Variants in MAMLD1 observed in about 807,000 individuals in gnomAD.
MAMLD1 encodes the protein mastermind-like domain-containing protein 1.
In MAMLD1, 14 loss-of-function variants were observed where a neutral mutation model predicts 45.0. The observed-to-expected ratio is 0.31, with a 90% CI of 0.21 to 0.49. MAMLD1 has a LOEUF of 0.49. MAMLD1 is among the 20% of genes least tolerant of loss of function. The probability of loss-of-function intolerance (pLI) is 0.99; values close to 1 mark genes in which losing one functional copy is unlikely to be tolerated. For missense variants in MAMLD1, 543 were observed against 603.6 expected (o/e 0.90, Z 1.05); for synonymous variants, 254 against 247.8 (o/e 1.02, Z -0.24).
At chrX:150,508,831 C>G (rs1557408979) in intron 6 of MAMLD1, among the ~76,000 whole-genome samples, 1 of 112,171 alleles carries the variant, frequency 8.9e-6, no homozygotes, top group Non-Finnish European at 1.9e-5. Flanking sequence ...ACAGAGCTGC[C>G]TTGGTGGTTG....
chrX:150,513,223 T>C lies in MAMLD1; in HGVS notation c.*1264T>C. 1 of 490,371 alleles carries C rather than the reference T, an allele frequency of 2.0e-6. No individual in the cohort carries two copies. The highest frequency in any genetic ancestry group is 3.3e-6 in the Non-Finnish European group (1 of 306,872). The allele number at this position is 490,371 out of a possible 1,213,427, so 40.4% of individuals were successfully genotyped here. ...CTCTACCTGTGACAAAATGGAAAGC[T>C]GGTGATTTTTCAAGCTACGTGTACA... is the stretch of plus-strand genomic sequence containing the variant. On this transcript the variant is annotated 3_prime_UTR_variant, in exon 8 of 8. Transcript: ENST00000370401.
At chrX:150,491,888 G>A (rs782269663) in intron 5 of MAMLD1, among the ~76,000 whole-genome samples, 13 of 112,411 alleles carry the variant, frequency 1.2e-4, no homozygotes, top group Middle Eastern at 9.2e-3. Flanking sequence ...AGATGGAACC[G>A]TGCTGAGCTT....
chrX:150,481,984 G>GAAAGAA (rs2036809891), intron 5 of MAMLD1, among the ~76,000 whole-genome samples: 1 of 75,611 alleles, frequency 1.3e-5, no homozygotes, highest in African/African-American at 4.7e-5. Flanking sequence ...AAGAAAGAAA[G>GAAAGAA]AAAGAAAGAA....
rs964695676 is a variant in MAMLD1 at position 150,504,017 on chromosome X, C to T, written c.2284+500C>T. 8 of 751,594 alleles carry T rather than the reference C, an allele frequency of 1.1e-5. No homozygotes were observed. The African/African-American group carries it at 1.2e-4, about 11-fold the overall frequency. 61.9% of individuals were successfully genotyped at this position (751,594 alleles called of 1,213,427 possible). ...GCCATCTGCTGTGGATTCCAAACCCCGCCCAGGACTCCCACACCCTAGAGG... is the reference window on the plus strand; with the variant it reads ...GCCATCTGCTGTGGATTCCAAACCCTGCCCAGGACTCCCACACCCTAGAGG... On this transcript the variant is annotated intron_variant, in intron 6 of 7. Transcript: ENST00000370401.
chrX:150,394,275 G>C (rs781805322), intron 1 of MAMLD1, among the ~76,000 whole-genome samples: 2 of 107,710 alleles, frequency 1.9e-5, no homozygotes, highest in Admixed American at 1.0e-4. Context: ...CTATTTCTGG[G>C]TTCTCCATTC....
intron 2 of MAMLD1, among the ~76,000 whole-genome samples, chrX:150,456,267 A>G (rs1557405333): frequency 9.1e-6 from 1 of 110,145 alleles, no homozygotes; most frequent in Non-Finnish European, 1.9e-5. Flanking sequence ...TGGAGTCCTG[A>G]GTGCCAAGCT....
intron 1 of MAMLD1, among the ~76,000 whole-genome samples, chrX:150,403,977 A>AAAGAAAGAAAG (rs2033921288): frequency 2.0e-5 from 2 of 99,080 alleles, no homozygotes; most frequent in Non-Finnish European, 4.1e-5. Context: ...AGAAAGAAAG[A>AAAGAAAGAAAG]AAGAAAGAAA....
chrX:150,445,723 AC>A (rs2035466665), intron 2 of MAMLD1, 111 bp downstream of exon 2: 2 of 557,547 alleles, frequency 3.6e-6, no homozygotes, highest in Non-Finnish European at 3.0e-6. Context: ...CAGGGATCCA[AC>A]TCAAAATATA....
chrX:150,387,574 G>A (rs1324079055), intron 1 of MAMLD1, among the ~76,000 whole-genome samples: 1 of 112,080 alleles, frequency 8.9e-6, no homozygotes, highest in East Asian at 2.8e-4. Flanking sequence ...CTGTAGGACT[G>A]TAGTATGTGT....
chrX:150,441,095 C>T (rs1432999314), intron 1 of MAMLD1, among the ~76,000 whole-genome samples: 7 of 105,087 alleles, frequency 6.7e-5, no homozygotes, highest in South Asian at 3.9e-4. Context: ...CATCTTCATG[C>T]GGTACATATG....
rs1438774636 is a variant in MAMLD1, at chrX:150,453,965, C to T, written c.96+8353C>T. Among the ~76,000 whole-genome samples, 3 of 112,573 alleles carry T rather than the reference C, an allele frequency of 2.7e-5. No homozygotes were observed. The South Asian group carries it at 1.1e-3, about 41-fold the overall frequency. On this transcript the variant is annotated intron_variant, in intron 2 of 7. Coordinates refer to ENST00000370401, the MANE Select transcript of MAMLD1 (RefSeq NM_005491.5). ...TGTTGTTCACTTACCGTTTGTCCTA[C>T]TAGAATTCCAGCTCCTTCTCTCTGG...
chrX:150,501,152 T>A (rs1006425542), intron 5 of MAMLD1, among the ~76,000 whole-genome samples: 1 of 112,165 alleles, frequency 8.9e-6, no homozygotes. Context: ...ACTAATATCT[T>A]GCAAGTCACA....
chrX:150,468,279 C>A (rs1557406085), intron 3 of MAMLD1, among the ~76,000 whole-genome samples: 1 of 111,990 alleles, frequency 8.9e-6, no homozygotes, highest in Non-Finnish European at 1.9e-5. Context: ...TCATGCCCCT[C>A]ATCGTGCTGG....
At chrX:150,410,984 T>G (rs1417136007) in intron 1 of MAMLD1, among the ~76,000 whole-genome samples, 11 of 111,247 alleles carry the variant, frequency 9.9e-5, no homozygotes, top group African/African-American at 2.3e-4. Flanking sequence ...GAAGTTTTTT[T>G]TGATTTTTTT....
At chrX:150,428,522 C>T (rs1323090883) in intron 1 of MAMLD1, among the ~76,000 whole-genome samples, 1 of 112,114 alleles carries the variant, frequency 8.9e-6, no homozygotes, top group East Asian at 2.8e-4. Context: ...CATAGGCTTC[C>T]TGGGCAGGTG....
intron 1 of MAMLD1, among the ~76,000 whole-genome samples, chrX:150,426,288 A>G (rs2034699691): frequency 8.9e-6 from 1 of 112,426 alleles, no homozygotes; most frequent in African/African-American, 3.2e-5. Flanking sequence ...TGCAGCCAGA[A>G]GTGGTCATGA....
chrX:150,462,660 A>G (rs2036084365), intron 2 of MAMLD1, 112 bp from the exon 3 acceptor site: 2 of 571,766 alleles, frequency 3.5e-6, no homozygotes, highest in Non-Finnish European at 6.3e-6. Context: ...GGGGAGGCTC[A>G]TAATTTGATT....
chrX:150,472,009 G>A (rs1444430180), intron 4 of MAMLD1, among the ~76,000 whole-genome samples: 1 of 112,104 alleles, frequency 8.9e-6, no homozygotes, highest in Non-Finnish European at 1.9e-5. Flanking sequence ...ACAGGTATTT[G>A]CAAGGTAGTC....
At position 150,470,640 on chromosome X, in the gene MAMLD1, C is replaced by T; in HGVS notation, c.1067C>T (p.Pro356Leu). 8.3e-7 allele frequency: 1 copy of T among 1,211,957 alleles called. No individual in the cohort carries two copies. Among genetic ancestry groups the T allele is most frequent in the Middle Eastern group, 2.3e-4 (1 of 4,354 alleles). ...CCACCACCGCTGCCACTGCCACCAC[C>T]ACCACCCCCATTCAGCCCCCAGAGC... ...PHPPPLPLPP[P>L]PPPFSPQSLM... The change falls in exon 4 of 8, where the codon CCA becomes CTA. Residue 356 changes from proline (P) to leucine (L), a missense_variant. Physicochemically the swap from Pro to Leu is moderately conservative, Grantham distance 98. Transcript: ENST00000370401.
Sources: gnomAD v4.1 joint callset for allele counts (sites outside exome capture counted in the v4.1 genomes callset) on GRCh38, gnomAD v4.1.1 for gene constraint, MANE v1.5 for transcripts, NCBI Gene and HGNC (gene_info 2026-07-23, HGNC 2026-07-21) for gene names.